Variants in CDH18 observed in about 807,000 individuals in gnomAD.
CDH18 encodes the protein cadherin-18.
Under a neutral mutation model 67.9 loss-of-function variants are expected in CDH18, and 31 were observed. The observed-to-expected ratio is 0.46, with a 90% CI of 0.34 to 0.62. The LOEUF (loss-of-function observed/expected upper bound fraction) is 0.62. Among genes scored for constraint, CDH18 ranks in the 20% least tolerant of loss-of-function variants. The pLI is 0.01. For synonymous variants in CDH18, 362 were observed against 347.2 expected, an observed-to-expected ratio of 1.04 and a Z score of -0.48; for missense variants, 890 against 975.5, an observed-to-expected ratio of 0.91 and a Z score of 1.17.
At chr5:20,214,480 C>A (rs977035185) in intron 2 of CDH18, among the ~76,000 whole-genome samples, 1 of 151,920 alleles carries the variant, frequency 6.6e-6, no homozygotes, top group Non-Finnish European at 1.5e-5. Flanking sequence ...TAGTACTGTA[C>A]AAAAACATAC....
chr5:20,571,438 TCTCA>T (rs1215062068), intron 1 of CDH18, among the ~76,000 whole-genome samples: 1 of 152,108 alleles, frequency 6.6e-6, no homozygotes, highest in Non-Finnish European at 1.5e-5. Context: ...GCATCGGAAT[TCTCA>T]CTCAAGTCAC....
intron 1 of CDH18, among the ~76,000 whole-genome samples, chr5:20,466,191 C>A (rs1204305962): frequency 2.0e-5 from 3 of 152,012 alleles, no homozygotes; most frequent in Admixed American, 6.6e-5. Flanking sequence ...ATTTAAAAAT[C>A]TTCTAAATTG....
chr5:19,538,504 A>G (rs1749757166), intron 9 of CDH18, among the ~76,000 whole-genome samples: 1 of 152,128 alleles, frequency 6.6e-6, no homozygotes, highest in East Asian at 1.9e-4. Flanking sequence ...TCTTTATCGC[A>G]CTCATAATGT....
chr5:20,028,338 A>G (rs1025004552), intron 2 of CDH18, among the ~76,000 whole-genome samples: 9 of 152,210 alleles, frequency 5.9e-5, no homozygotes, highest in Non-Finnish European at 1.3e-4. Flanking sequence ...TTAAATTAAC[A>G]AAGATAACAC....
At chr5:19,839,789 T>C (rs1782068971) in intron 2 of CDH18, among the ~76,000 whole-genome samples, 2 of 152,102 alleles carry the variant, frequency 1.3e-5, no homozygotes, top group South Asian at 2.1e-4. Flanking sequence ...GTCCTGCATA[T>C]CTACCCCGGG....
intron 2 of CDH18, among the ~76,000 whole-genome samples, chr5:20,107,915 C>G (rs527622841): frequency 7.8e-6 from 1 of 127,726 alleles, no homozygotes. Context: ...TCCCTCCCCC[C>G]TCCCCCTTTC....
At chr5:20,122,304 T>C (rs1433239095) in intron 2 of CDH18, among the ~76,000 whole-genome samples, 1 of 152,188 alleles carries the variant, frequency 6.6e-6, no homozygotes, top group Non-Finnish European at 1.5e-5. Context: ...TTTTCTTTAC[T>C]TTGCCCTGCT....
chr5:19,957,712 C>A (rs1397622010), intron 2 of CDH18, among the ~76,000 whole-genome samples: 1 of 151,936 alleles, frequency 6.6e-6, no homozygotes, highest in Non-Finnish European at 1.5e-5. Flanking sequence ...ATTGGCCTTA[C>A]TCTTTGTCCA....
intron 4 of CDH18, among the ~76,000 whole-genome samples, chr5:19,721,792 T>C (rs532864675): frequency 8.1e-4 from 124 of 152,266 alleles, no homozygotes; most frequent in Middle Eastern, 3.4e-3. Flanking sequence ...CTTGCACTCA[T>C]ATATCAAATT....
At chr5:20,271,148 G>GTAAA (rs1275985327) in intron 1 of CDH18, among the ~76,000 whole-genome samples, 14 of 151,998 alleles carry the variant, frequency 9.2e-5, no homozygotes, top group East Asian at 3.9e-4. Flanking sequence ...AAGTTAAGTA[G>GTAAA]TAAATAAATA....
chr5:19,977,871 A>G (rs1488268186), intron 2 of CDH18, among the ~76,000 whole-genome samples: 2 of 152,222 alleles, frequency 1.3e-5, no homozygotes, highest in African/African-American at 2.4e-5. Context: ...TGATCAGTAA[A>G]CACACAGATT....
intron 2 of CDH18, among the ~76,000 whole-genome samples, chr5:20,085,094 T>C (rs1038940122): frequency 1.3e-5 from 2 of 152,206 alleles, no homozygotes; most frequent in Non-Finnish European, 2.9e-5. Context: ...CAAACTTTTA[T>C]GCTCTGCTTC....
chr5:20,511,176 A>G (rs1386040981), intron 1 of CDH18, among the ~76,000 whole-genome samples: 1 of 152,170 alleles, frequency 6.6e-6, no homozygotes, highest in East Asian at 1.9e-4. Context: ...AAAATACCAT[A>G]AAGTTAGGAG....
intron 5 of CDH18, among the ~76,000 whole-genome samples, chr5:19,693,223 G>T (rs1762127007): frequency 6.6e-6 from 1 of 152,090 alleles, no homozygotes; most frequent in Admixed American, 6.6e-5. Context: ...AGAGTAGCAT[G>T]ATAGTTATCA....
At chr5:20,099,317 A>G (rs73050734) in intron 2 of CDH18, among the ~76,000 whole-genome samples, 8,863 of 152,198 alleles carry the variant, frequency 0.058, 365 homozygotes, top group African/African-American at 0.11. Context: ...TCAGGCATTC[A>G]TTAGTCACTT....
Position 19,966,669 on chromosome 5 carries a change from GT to G in CDH18, c.-257+14390del, listed in dbSNP as rs934940505. Among the ~76,000 whole-genome samples, 14 of 151,506 alleles carry G rather than the reference GT, an allele frequency of 9.2e-5. No homozygotes were observed. The Middle Eastern group carries it at 0.01, about 112-fold the overall frequency. On this transcript the variant is annotated intron_variant, in intron 2 of 12. Transcript: ENST00000382275. Reference sequence around the variant, plus strand: ...ACTGATGGAAATCAGCTCAAAGCCTGTTTTTTTTCTGGAGCAGATTTTCTTT... The same window carrying G: ...ACTGATGGAAATCAGCTCAAAGCCTGTTTTTTTCTGGAGCAGATTTTCTTT...
rs148135067 is a variant in CDH18 at position 19,543,921 on chromosome 5, G to A, written c.1338C>T (p.Leu446=). The change falls in exon 9 of 13, where the codon CTC becomes CTT. Residue 446 remains leucine (L), a synonymous_variant. Transcript: ENST00000382275. ...TGTACCATGGAGTTTCTTCTCTGTC[G>A]AGAACCTTTGTAGTCCTAATGGTCC... ...NTGTIRTTKV[L]DREETPWYNI... 3.1e-5 allele frequency: 50 copies of A among 1,595,470 alleles called. No homozygotes were observed. In the African/African-American group the frequency reaches 4.8e-4, roughly 15 times the overall value.
intron 1 of CDH18, among the ~76,000 whole-genome samples, chr5:20,346,329 G>T (rs140862161): frequency 2.6e-5 from 4 of 152,104 alleles, no homozygotes; most frequent in African/African-American, 9.7e-5. Context: ...ATCAGAACAA[G>T]AATTTTTGGA....
chr5:20,147,878 C>T (rs961004069), intron 2 of CDH18, among the ~76,000 whole-genome samples: 21 of 151,968 alleles, frequency 1.4e-4, no homozygotes, highest in African/African-American at 5.1e-4. Flanking sequence ...ATTGTTTAAC[C>T]ACCTATACAG....
Sources: gnomAD v4.1 joint callset for allele counts (sites outside exome capture counted in the v4.1 genomes callset) on GRCh38, gnomAD v4.1.1 for gene constraint, MANE v1.5 for transcripts, NCBI Gene and HGNC (gene_info 2026-07-23, HGNC 2026-07-21) for gene names.